Variants in MYO15A observed in about 807,000 individuals in gnomAD.
The protein encoded by MYO15A is myosin XVA.
In MYO15A, 308 loss-of-function variants were observed where a neutral mutation model predicts 394.6. The observed-to-expected ratio is 0.78, with a 90% CI of 0.71 to 0.86. MYO15A has a LOEUF of 0.86. Among genes scored for constraint, MYO15A ranks in the 40% least tolerant of loss-of-function variants. The pLI, the probability that MYO15A is intolerant of heterozygous loss-of-function variation, is 0.00. For missense variants in MYO15A, 4,606 were observed against 4,799.1 expected, an observed-to-expected ratio of 0.96 and a Z score of 1.19; for synonymous variants, 1,957 against 2,003.8, an observed-to-expected ratio of 0.98 and a Z score of 0.62.
At position 18,166,384 on chromosome 17, in the gene MYO15A, C is replaced by G. The variant is rs763708408; in HGVS notation, c.9811C>G (p.Arg3271Gly). The change falls in exon 61 of 66, where the codon CGC (arginine) becomes GGC (glycine). Residue 3271 changes from arginine to glycine, a missense_variant. Coordinates refer to ENST00000647165, the MANE Select transcript of MYO15A (RefSeq NM_016239.4). Reference protein sequence around the residue: ...NRGQHVCPLSRRAYILDVASE... With the variant: ...NRGQHVCPLSGRAYILDVASE... ...AGGCCAGCATGTGTGCCCACTCAGT[C>G]GCCGTGCTTACATCCTGGATGTGGC... 1 of 1,613,602 alleles carries G rather than the reference C, an allele frequency of 6.2e-7. No individual in the cohort carries two copies. The highest frequency in any genetic ancestry group is 8.5e-7 in the Non-Finnish European group (1 of 1,180,036).
rs746207144 is a variant in MYO15A, at chr17:18,143,926, G to A, written c.6103G>A (p.Ala2035Thr). Residue 2035 changes from alanine to threonine, a missense_variant, in exon 28 of 66, where the codon GCT becomes ACT. Physicochemically the swap from Ala to Thr is moderately conservative, Grantham distance 58. Transcript: ENST00000647165. ...VAPVRTPRLQ[A>T]EPRVTLPLDI... is the part of the protein sequence containing the mutation. ...CCCTGTGAGGACTCCTCGACTCCAG[G>A]CTGAGCCCCGTGTCACACTGCCCCT... 2 of 1,608,810 alleles carry A rather than the reference G, an allele frequency of 1.2e-6. No homozygotes were observed. Among genetic ancestry groups the A allele is most frequent in the Non-Finnish European group, 1.7e-6 (2 of 1,177,666 alleles).
rs201087528 is a variant in MYO15A, at chr17:18,121,787, C to T, written c.2987C>T (p.Pro996Leu). ...TRVFLGRHHE[P>L]GPGQLTKSAG... ...GTCTTCCTGGGCAGACACCATGAGC[C>T]GGGGCCTGGACAGCTCACCAAATCA... The change falls in exon 2 of 66, where the codon CCG becomes CTG. Residue 996 changes from proline to leucine, a missense_variant. Pro to Leu is a moderately conservative substitution (Grantham distance 98, BLOSUM62 -3). Transcript: ENST00000647165. This position sits in a 1 kb window ranked among gnomAD's most constrained non-coding sequence, Gnocchi z 5.3. 5.6e-6 allele frequency: 9 copies of T among 1,611,696 alleles called. No individual in the cohort carries two copies. In the East Asian group the frequency reaches 1.3e-4, roughly 24 times the overall value.
intron 51 of MYO15A, 108 bp downstream of exon 51, chr17:18,158,008 C>T (rs943406041): frequency 2.2e-6 from 3 of 1,392,594 alleles, no homozygotes; most frequent in Non-Finnish European, 2.8e-6. Flanking sequence ...TGGCCAGGCT[C>T]TTGGGGCGTG....
rs370927761 is a variant in MYO15A, at chr17:18,149,274, G to A, written c.7015G>A (p.Glu2339Lys). The change falls in exon 34 of 66, where the codon GAG becomes AAG. Residue 2339 changes from glutamate to lysine, a missense_variant. Coordinates refer to ENST00000647165, the MANE Select transcript of MYO15A (RefSeq NM_016239.4). ...CATGTCCACTAGACCCCAGCCCCAGGAGCACATGCCCAAAGTACTTGACTC... is the reference window on the plus strand; with the variant it reads ...CATGTCCACTAGACCCCAGCCCCAGAAGCACATGCCCAAAGTACTTGACTC... Reference protein sequence around the residue: ...EDMSTRPQPQEHMPKVLDSDG... With the variant: ...EDMSTRPQPQKHMPKVLDSDG... 32 of 1,613,874 alleles carry A rather than the reference G, an allele frequency of 2.0e-5. No individual in the cohort carries two copies. In the Middle Eastern group the frequency reaches 4.9e-4, roughly 25 times the overall value.
rs201840550 is a variant in MYO15A, at chr17:18,148,123, G to T, written c.6604G>T (p.Ala2202Ser). Residue 2202 changes from alanine (A) to serine (S), a missense_variant, in exon 31 of 66, where the codon GCT becomes TCT. Transcript: ENST00000647165. The surrounding 1 kb of genome is among the most constrained non-coding windows in gnomAD (Gnocchi z 4.8). Reference protein sequence around the residue: ...MGRAQQQGSGAARTLPPTQLE... With the variant: ...MGRAQQQGSGSARTLPPTQLE... ...CCGGGCCCAACAGCAGGGCTCGGGG[G>T]CTGCCCGCACCTTACCCCCGACCCA... 1 of 1,613,850 alleles carries T rather than the reference G, an allele frequency of 6.2e-7. No homozygotes were observed. Among genetic ancestry groups the T allele is most frequent in the Admixed American group, 1.7e-5 (1 of 60,030 alleles).
At chr17:18,154,866 C>T (rs1426467911) in intron 45 of MYO15A, 111 bp downstream of exon 45, 2 of 1,252,042 alleles carry the variant, frequency 1.6e-6, no homozygotes, top group African/African-American at 3.0e-5. Context: ...ATCTCCCAGA[C>T]ATGTGCCTCC....
intron 15 of MYO15A, 30 bp downstream of exon 15, chr17:18,136,716 G>A: frequency 6.4e-7 from 1 of 1,568,974 alleles, no homozygotes; most frequent in Non-Finnish European, 8.6e-7. Flanking sequence ...TGAGGGGCGG[G>A]GGACATAGGC....
chr17:18,116,595 G>C (rs920361995), intron 1 of MYO15A, among the ~76,000 whole-genome samples: 9 of 152,214 alleles, frequency 5.9e-5, no homozygotes, highest in African/African-American at 9.6e-5. Context: ...TCCAAGAGGA[G>C]CTGGGGCAGT....
At position 18,130,817 on chromosome 17, in the gene MYO15A, AGTGT is replaced by A. The variant is rs59214589; in HGVS notation, c.4038+58_4038+61del. 0.045 allele frequency: 52,884 copies of A among 1,183,028 alleles called. 272 individuals carry two copies. Among genetic ancestry groups the A allele is most frequent in the East Asian group, 0.19 (7,301 of 38,382 alleles). 73.3% of individuals were successfully genotyped at this position (1,183,028 alleles called of 1,614,324 possible). ...GACGCTCTTGAAGATAAAGGTACTC[AGTGT>A]GTGTGTGTGTGTGTGTGTGTGTGTG... On this transcript the variant is annotated splice_region_variant and intron_variant, in intron 8 of 65. Transcript: ENST00000647165.
At chr17:18,162,519 A>G in intron 57 of MYO15A, 66 bp from the exon 58 acceptor site, 1 of 1,450,348 alleles carries the variant, frequency 6.9e-7, no homozygotes, top group Non-Finnish European at 9.6e-7. Flanking sequence ...GGTTGGTGGC[A>G]AGAGGAGCGA....
At position 18,166,479 on chromosome 17, in the gene MYO15A, C is replaced by T; in HGVS notation, c.9906C>T (p.Leu3302=). Residue 3302 remains leucine (L), a synonymous_variant, in exon 61 of 66, where the codon CTC becomes CTT. Coordinates refer to ENST00000647165, the MANE Select transcript of MYO15A (RefSeq NM_016239.4). The part of the protein sequence containing the change: ...WFRRVLWDQP[L]KFENELYVTM... ...GGCGTGTGCTCTGGGATCAGCCACT[C>T]AAGTTCGAGAATGAGCTATATGTGA... 6.2e-7 allele frequency: 1 copy of T among 1,613,974 alleles called. No individual in the cohort carries two copies. Among genetic ancestry groups the T allele is most frequent in the Non-Finnish European group, 8.5e-7 (1 of 1,180,046 alleles).
At chr17:18,168,929 C>T (rs906093189) in intron 62 of MYO15A, among the ~76,000 whole-genome samples, 1 of 150,798 alleles carries the variant, frequency 6.6e-6, no homozygotes, top group African/African-American at 2.4e-5. Flanking sequence ...TGGTGAAACC[C>T]CGTATCTACT....
At chr17:18,168,539 A>G (rs1177565267) in intron 62 of MYO15A, among the ~76,000 whole-genome samples, 2 of 150,322 alleles carry the variant, frequency 1.3e-5, no homozygotes, top group African/African-American at 4.9e-5. Context: ...TTGCACTCCA[A>G]CCGGGGTGAC....
chr17:18,151,501 C>G lies in MYO15A; in HGVS notation c.7761C>G (p.Phe2587Leu), dbSNP rs1415090334. ...KNIVRQYQQP[F>L]RGGRPEALRK... Reference sequence around the variant, plus strand: ...TTGTCAGGCAGTACCAGCAGCCGTTCCGGGGAGGCCGGCCTGAGGCCCTCA... The same window carrying G: ...TTGTCAGGCAGTACCAGCAGCCGTTGCGGGGAGGCCGGCCTGAGGCCCTCA... Residue 2587 changes from phenylalanine (F) to leucine (L), a missense_variant, in exon 40 of 66, where the codon TTC becomes TTG. Around this residue, in one of 2 missense-constraint regions of MYO15A, gnomAD observed 2,776 missense variants for 3,109.3 expected, o/e 0.89. Transcript: ENST00000647165. 7 of 1,614,110 alleles carry G rather than the reference C, an allele frequency of 4.3e-6. No homozygotes were observed. The Admixed American group carries it at 1.0e-4, about 23-fold the overall frequency.
At chr17:18,140,135 A>G (rs969180668) in intron 19 of MYO15A, among the ~76,000 whole-genome samples, 1 of 152,106 alleles carries the variant, frequency 6.6e-6, no homozygotes, top group Non-Finnish European at 1.5e-5. Flanking sequence ...ATGACAGAGC[A>G]CAGGCCTGGT....
At chr17:18,159,555 G>A in intron 54 of MYO15A, 51 bp from the exon 55 acceptor site, 1 of 1,600,816 alleles carries the variant, frequency 6.2e-7, no homozygotes, top group Non-Finnish European at 8.5e-7. Context: ...CCTGGGGTGG[G>A]TGGGCAACTG....
At chr17:18,128,720 G>A (rs1023909130) in intron 7 of MYO15A, among the ~76,000 whole-genome samples, 2 of 152,136 alleles carry the variant, frequency 1.3e-5, no homozygotes, top group African/African-American at 2.4e-5. Context: ...GGAGCTTTAC[G>A]GCAACCCTGG....
In MYO15A at chr17:18,140,517, G is replaced by T. The variant is rs760539239; in HGVS notation, c.5212G>T (p.Val1738Leu). The change falls in exon 20 of 66, where the codon GTG (valine) becomes TTG (leucine). Residue 1738 changes from valine to leucine, a missense_variant and splice_region_variant. Physicochemically the swap from Val to Leu is conservative, Grantham distance 32. Around this residue, in one of 2 missense-constraint regions of MYO15A, gnomAD observed 2,776 missense variants for 3,109.3 expected, o/e 0.89. Coordinates refer to ENST00000647165, the MANE Select transcript of MYO15A (RefSeq NM_016239.4). ...TTTCCCTGCCCCGACCCCTGCCCAG[G>T]TGGTGGCACACCTCTTCTCCAGCCA... Reference protein sequence around the residue: ...LDLFVRSRTRVVAHLFSSHAP... With the variant: ...LDLFVRSRTRLVAHLFSSHAP... 1 of 1,613,528 alleles carries T rather than the reference G, an allele frequency of 6.2e-7. No homozygotes were observed. Among genetic ancestry groups the T allele is most frequent in the Admixed American group, 1.7e-5 (1 of 60,024 alleles).
chr17:18,136,440 C>G lies in MYO15A; in HGVS notation c.4620C>G (p.Phe1540Leu), dbSNP rs1338915800. 3 of 1,613,866 alleles carry G rather than the reference C, an allele frequency of 1.9e-6. No homozygotes were observed. Residue 1540 changes from phenylalanine to leucine, a missense_variant, in exon 14 of 66, where the codon TTC becomes TTG. Coordinates refer to ENST00000647165, the MANE Select transcript of MYO15A (RefSeq NM_016239.4). ...KVTETMREKI[F>L]TPLTVESAVD... ...AGGAGACAATGCGAGAGAAGATCTT[C>G]ACGCCCCTAACTGTGGAGAGCGCTG... is the stretch of plus-strand genomic sequence containing the variant.
Sources: gnomAD v4.1 joint callset for allele counts (sites outside exome capture counted in the v4.1 genomes callset) on GRCh38, gnomAD v4.1.1 for gene constraint, gnomAD v4.1.1 regional missense constraint, Gnocchi (gnomAD v3.1) non-coding constraint, MANE v1.5 for transcripts, NCBI Gene and HGNC (gene_info 2026-07-23, HGNC 2026-07-21) for gene names.